The following CDK18 variants were observed in gnomAD, a reference collection of about 807,000 sequenced individuals.
CDK18 encodes the protein cyclin dependent kinase 18, also known as cyclin-dependent kinase 18.
In CDK18, 52 loss-of-function variants were observed where a neutral mutation model predicts 62.0. The observed-to-expected ratio is 0.84, with a 90% CI of 0.67 to 1.06. The LOEUF is 1.06. Among genes scored for constraint, CDK18 ranks in the 50% least tolerant of loss-of-function variants. CDK18 has a pLI of 0.00. For missense variants in CDK18, 604 were observed against 619.9 expected, an observed-to-expected ratio of 0.97 and a Z score of 0.27; for synonymous variants, 237 against 247.0, an observed-to-expected ratio of 0.96 and a Z score of 0.38.
intron 1 of CDK18, among the ~76,000 whole-genome samples, chr1:205,509,901 G>A (rs1394097186): frequency 3.9e-5 from 6 of 151,996 alleles, no homozygotes; most frequent in East Asian, 1.9e-4. Context: ...CCAACATGGC[G>A]AAACCCCATC....
At position 205,528,208 on chromosome 1, in the gene CDK18, C is replaced by T; in HGVS notation, c.974+40C>T. On this transcript the variant is annotated intron_variant, in intron 10 of 15. Transcript: ENST00000429964. This position sits in a 1 kb window ranked among gnomAD's most constrained non-coding sequence, Gnocchi z 4.2. ...TGGGGACCGAGGAGGGGAGGACAGGCCTGGCCACACCTCCAGACTCTCCTT... is the reference window on the plus strand; with the variant it reads ...TGGGGACCGAGGAGGGGAGGACAGGTCTGGCCACACCTCCAGACTCTCCTT... 1 of 1,606,422 alleles carries T rather than the reference C, an allele frequency of 6.2e-7. No individual in the cohort carries two copies. The highest frequency in any genetic ancestry group is 8.5e-7 in the Non-Finnish European group (1 of 1,175,758).
Position 205,524,253 on chromosome 1 carries a change from C to T in CDK18, c.295C>T (p.Leu99=). 6.2e-7 allele frequency: 1 copy of T among 1,614,208 alleles called. No homozygotes were observed. Among genetic ancestry groups the T allele is most frequent in the South Asian group, 1.1e-5 (1 of 91,082 alleles). Residue 99 remains leucine (L), a synonymous_variant, in exon 4 of 16, where the codon CTG becomes TTG. Transcript: ENST00000429964. ...ACAGGACGTCAGCAAGAGGCTCTCT[C>T]TGCCCATGGATATCCGCCTGCCCCA... ...SMEDVSKRLS[L]PMDIRLPQEF... is the part of the protein sequence containing the mutation.
chr1:205,529,263 T>C (rs1668608770), intron 11 of CDK18, 61 bp from the exon 12 acceptor site: 1 of 1,497,788 alleles, frequency 6.7e-7, no homozygotes, highest in Admixed American at 1.7e-5. Context: ...TGCATCCCTT[T>C]CAAGTCGGCC....
At chr1:205,514,254 C>T (rs915142149) in intron 1 of CDK18, among the ~76,000 whole-genome samples, 1 of 152,182 alleles carries the variant, frequency 6.6e-6, no homozygotes, top group Non-Finnish European at 1.5e-5. Flanking sequence ...TGCAGAGGTC[C>T]CCATGGCAGG....
At chr1:205,507,491 T>G (rs1311153136) in intron 1 of CDK18, among the ~76,000 whole-genome samples, 1 of 148,426 alleles carries the variant, frequency 6.7e-6, no homozygotes, top group East Asian at 2.0e-4. Flanking sequence ...AAGCACAAAA[T>G]TAGTCAGGCG....
Position 205,523,361 on chromosome 1 carries a change from C to T in CDK18, c.130+64C>T, listed in dbSNP as rs541452253. ...CCAGACACTCCCCAGTCACCTTCCC[C>T]TCCCCGCCCACCCCCTCCCCACTGG... On this transcript the variant is annotated intron_variant, in intron 2 of 15. Transcript: ENST00000429964. The T allele has an allele frequency of 3.6e-5, 58 of 1,609,102 alleles. 1 individual carries two copies. The highest frequency in any genetic ancestry group is 1.1e-4 in the African/African-American group (8 of 74,960).
chr1:205,530,553 G>C, intron 14 of CDK18, 75 bp from the exon 15 acceptor site: 2 of 1,370,818 alleles, frequency 1.5e-6, no homozygotes. Context: ...GGGCTCAGTT[G>C]GTCCTTCTGG....
At chr1:205,508,715 G>A (rs559524819) in intron 1 of CDK18, among the ~76,000 whole-genome samples, 5 of 152,238 alleles carry the variant, frequency 3.3e-5, no homozygotes, top group East Asian at 1.9e-4. Flanking sequence ...GTGGTGGCAC[G>A]CGCCTGTAGT....
intron 1 of CDK18, among the ~76,000 whole-genome samples, chr1:205,506,289 C>T (rs907827352): frequency 6.6e-6 from 1 of 152,166 alleles, no homozygotes; most frequent in East Asian, 1.9e-4. Context: ...CCTTTCCCAG[C>T]CACCTCTTGT....
At chr1:205,526,003 G>A in intron 5 of CDK18, 62 bp from the exon 6 acceptor site, 1 of 1,196,614 alleles carries the variant, frequency 8.4e-7, no homozygotes, top group Non-Finnish European at 1.2e-6. Context: ...AAATGGGGAG[G>A]CACTGGACAG....
intron 1 of CDK18, among the ~76,000 whole-genome samples, chr1:205,513,905 C>T (rs1667691298): frequency 6.6e-6 from 1 of 151,676 alleles, no homozygotes; most frequent in African/African-American, 2.4e-5. Context: ...ACTGCCCCCA[C>T]TGCCTCAGCC....
chr1:205,511,902 A>C (rs1370537769), intron 1 of CDK18, among the ~76,000 whole-genome samples: 1 of 152,102 alleles, frequency 6.6e-6, no homozygotes, highest in Non-Finnish European at 1.5e-5. Flanking sequence ...AAAATACAAA[A>C]AATTAGCTGG....
Position 205,523,607 on chromosome 1 carries a change from G to GCGC in CDK18, c.259_261dup (p.Arg87dup). Reference sequence around the variant, plus strand: ...TGCAGTTCCAGCGGCGGCAGAACCAGCGCCGCTTCTCCATGGAGGTAAGGG... The same window carrying GCGC: ...TGCAGTTCCAGCGGCGGCAGAACCAGCGCCGCCGCTTCTCCATGGAGGTAAGGG... On this transcript the variant is annotated inframe_insertion, in exon 3 of 16. Transcript: ENST00000429964. 9 of 1,574,786 alleles carry GCGC rather than the reference G, an allele frequency of 5.7e-6. No homozygotes were observed. The highest frequency in any genetic ancestry group is 7.8e-6 in the Non-Finnish European group (9 of 1,160,440).
intron 11 of CDK18, 23 bp downstream of exon 11, chr1:205,529,119 C>T (rs375518464): frequency 4.5e-6 from 7 of 1,542,982 alleles, no homozygotes. Flanking sequence ...CTGCTCCGTC[C>T]CTCTCACCAC....
At chr1:205,508,299 G>A (rs866912571) in intron 1 of CDK18, among the ~76,000 whole-genome samples, 2 of 152,242 alleles carry the variant, frequency 1.3e-5, no homozygotes, top group Non-Finnish European at 2.9e-5. Flanking sequence ...AGCAGACCAA[G>A]GTTAATCTTG....
rs778875599 is a variant in CDK18, at chr1:205,528,135, G to A, written c.941G>A (p.Gly314Glu). The A allele has an allele frequency of 6.2e-7, 1 of 1,613,962 alleles. No individual in the cohort carries two copies. Among genetic ancestry groups the A allele is most frequent in the Non-Finnish European group, 8.5e-7 (1 of 1,179,998 alleles). The change falls in exon 10 of 16, where the codon GGA becomes GAA. Residue 314 changes from glycine to glutamate, a missense_variant. Gly to Glu is a moderately conservative substitution (Grantham distance 98). Transcript: ENST00000429964. The surrounding 1 kb of genome is among the most constrained non-coding windows in gnomAD (Gnocchi z 4.2). ...LWYRPPDVLL[G>E]STEYSTPIDM... ...TACAGGCCCCCCGATGTGCTGCTGG[G>A]ATCCACAGAGTACTCCACCCCCATT...
At position 205,516,832 on chromosome 1, in the gene CDK18, G is replaced by C. The variant is rs573989035; in HGVS notation, c.-21-6315G>C. 1 of 152,382 alleles carries C rather than the reference G, an allele frequency of 6.6e-6. No individual in the cohort carries two copies. Among genetic ancestry groups the C allele is most frequent in the African/African-American group, 2.4e-5 (1 of 41,578 alleles). 9.4% of individuals were successfully genotyped at this position (152,382 alleles called of 1,614,324 possible). Reference sequence around the variant, plus strand: ...GTGCAGGCTGGGGAATCGGGGCTTTGTTCAAGAGGAAGGCAAAGAGGCTTC... The same window carrying C: ...GTGCAGGCTGGGGAATCGGGGCTTTCTTCAAGAGGAAGGCAAAGAGGCTTC... On this transcript the variant is annotated intron_variant, in intron 1 of 15. Coordinates refer to ENST00000429964, the MANE Select transcript of CDK18 (RefSeq NM_212502.3). This position sits in a 1 kb window ranked among gnomAD's most constrained non-coding sequence, Gnocchi z 4.8.
Position 205,527,286 on chromosome 1 carries a change from C to A in CDK18, c.729+449C>A. ...TTGAGCCCAGGAGTTTGAGACCAGCCTGGGCAACATGGCAAGACCTCATCT... is the reference window on the plus strand; with the variant it reads ...TTGAGCCCAGGAGTTTGAGACCAGCATGGGCAACATGGCAAGACCTCATCT... On this transcript the variant is annotated intron_variant, in intron 8 of 15. Transcript: ENST00000429964. This position sits in a 1 kb window ranked among gnomAD's most constrained non-coding sequence, Gnocchi z 4.1. 4.5e-6 allele frequency: 1 copy of A among 220,438 alleles called. No individual in the cohort carries two copies. The highest frequency in any genetic ancestry group is 7.8e-5 in the South Asian group (1 of 12,898). The allele number at this position is 220,438 out of a possible 1,614,324, so 13.7% of individuals were successfully genotyped here.
At position 205,527,500 on chromosome 1, in the gene CDK18, AG is replaced by A; in HGVS notation, c.730-291del. 1 of 272,134 alleles carries A rather than the reference AG, an allele frequency of 3.7e-6. No individual in the cohort carries two copies. The highest frequency in any genetic ancestry group is 6.9e-6 in the Non-Finnish European group (1 of 144,712). The allele number at this position is 272,134 out of a possible 1,614,324, so 16.9% of individuals were successfully genotyped here. A position where few individuals can be genotyped will look rare whatever the true frequency, so the allele number is the denominator to read the frequency against. ...ACTCTAAAAGAAAAAAAAAAAAAAA[AG>A]GGATCAAGCACATATGTCTCCACAT... On this transcript the variant is annotated intron_variant, in intron 8 of 15. Transcript: ENST00000429964. This position sits in a 1 kb window ranked among gnomAD's most constrained non-coding sequence, Gnocchi z 4.1.
Sources: allele counts gnomAD v4.1 joint callset (sites outside exome capture counted in the v4.1 genomes callset), GRCh38; gene constraint gnomAD v4.1.1; non-coding constraint Gnocchi (gnomAD v3.1); transcripts MANE v1.5; gene names NCBI Gene and HGNC (gene_info 2026-07-23, HGNC 2026-07-21).